Variants in METTL4 observed in about 807,000 individuals in gnomAD.
METTL4 encodes the protein N(6)-adenine-specific methyltransferase METTL4.
Under a neutral mutation model 54.0 loss-of-function variants are expected in METTL4, and 40 were observed. The ratio of observed to expected loss-of-function variants is 0.74; its 90% confidence interval spans 0.58 to 0.96. The LOEUF (loss-of-function observed/expected upper bound fraction) is 0.96. METTL4 is among the 50% of genes least tolerant of loss of function. METTL4 has a pLI of 0.00. For missense variants in METTL4, 525 were observed against 549.0 expected (o/e 0.96, Z 0.44); for synonymous variants, 169 against 183.8 (o/e 0.92, Z 0.65).
intron 3 of METTL4, among the ~76,000 whole-genome samples, chr18:2,562,730 G>A (rs1214909787): frequency 6.6e-6 from 1 of 151,990 alleles, no homozygotes; most frequent in Non-Finnish European, 1.5e-5. Context: ...CAAATTCACA[G>A]AGACAGTGAG....
rs1443514755 is a variant in METTL4 at position 2,571,432 on chromosome 18, A to T, written c.-722T>A. The T allele has an allele frequency of 6.6e-6, 1 of 152,256 alleles. No individual in the cohort carries two copies. Among genetic ancestry groups the T allele is most frequent in the Admixed American group, 6.5e-5 (1 of 15,286 alleles). The allele number at this position is 152,256 out of a possible 1,614,324, so 9.4% of individuals were successfully genotyped here. A position where few individuals can be genotyped will look rare whatever the true frequency, so the allele number is the denominator to read the frequency against. ...CGTAGAGACGGCCACACTGGCCCAC[A>T]GACCCCAGTTCCTGGGGTGACGCAG... On this transcript the variant is annotated 5_prime_UTR_variant, in exon 1 of 9. Transcript: ENST00000574538.
chr18:2,554,090 A>C (rs1325123630), intron 4 of METTL4: 1 of 152,298 alleles, frequency 6.6e-6, no homozygotes, highest in Non-Finnish European at 1.5e-5. Flanking sequence ...AGCAGGTATT[A>C]TCATGTCCAT....
At chr18:2,549,819 TAAAAAAAAA>T (rs397758263) in intron 5 of METTL4, among the ~76,000 whole-genome samples, 3 of 79,064 alleles carry the variant, frequency 3.8e-5, no homozygotes, top group Non-Finnish European at 4.9e-5. Flanking sequence ...CCATCTCTAC[TAAAAAAAAA>T]AAAAAAAAAA....
intron 3 of METTL4, among the ~76,000 whole-genome samples, chr18:2,557,047 C>T (rs912278366): frequency 6.6e-6 from 1 of 152,104 alleles, no homozygotes; most frequent in South Asian, 2.1e-4. Flanking sequence ...AAATCGATAG[C>T]CCCAGCAAAT....
chr18:2,552,940 T>C, intron 4 of METTL4, 176 bp from the exon 5 acceptor site: 4 of 556,304 alleles, frequency 7.2e-6, no homozygotes, highest in Non-Finnish European at 9.6e-6. Context: ...AAATATTAGA[T>C]GTTTCCTTTA....
chr18:2,558,246 G>C (rs1036350434), intron 3 of METTL4, among the ~76,000 whole-genome samples: 1 of 151,938 alleles, frequency 6.6e-6, no homozygotes, highest in Non-Finnish European at 1.5e-5. Flanking sequence ...AAATGTAAAA[G>C]GACTGAAATC....
chr18:2,554,891 C>G lies in METTL4; in HGVS notation c.607G>C (p.Glu203Gln), dbSNP rs775179033. 3 of 1,614,046 alleles carry G rather than the reference C, an allele frequency of 1.9e-6. No individual in the cohort carries two copies. Among genetic ancestry groups the G allele is most frequent in the East Asian group, 4.5e-5 (2 of 44,868 alleles). Residue 203 changes from glutamate to glutamine, a missense_variant, in exon 4 of 9, where the codon GAA becomes CAA. Physicochemically the swap from Glu to Gln is conservative, Grantham distance 29. Coordinates refer to ENST00000574538, the MANE Select transcript of METTL4 (RefSeq NM_022840.5). ...AGAGAAGGCAAATGCTTTGCCATTTCACATAATTCTGACAAACTGCAGGCG... is the reference window on the plus strand; with the variant it reads ...AGAGAAGGCAAATGCTTTGCCATTTGACATAATTCTGACAAACTGCAGGCG... ...LDACSLSELCEMAKHLPSLNE... is the reference protein window; with the variant it reads ...LDACSLSELCQMAKHLPSLNE...
intron 8 of METTL4, 48 bp from the exon 9 acceptor site, chr18:2,539,193 T>C: frequency 1.9e-5 from 26 of 1,353,110 alleles, no homozygotes; most frequent in East Asian, 4.6e-5. Flanking sequence ...GAGGAAGGAA[T>C]CCACTTCCTT....
rs989767093 is a variant in METTL4, at chr18:2,538,392, T to C, written c.*608A>G. 1.3e-5 allele frequency: 2 copies of C among 153,404 alleles called. No individual in the cohort carries two copies. The highest frequency in any genetic ancestry group is 4.8e-5 in the African/African-American group (2 of 41,514). The allele number at this position is 153,404 out of a possible 1,614,324, so 9.5% of individuals were successfully genotyped here. On this transcript the variant is annotated 3_prime_UTR_variant, in exon 9 of 9. Coordinates refer to ENST00000574538, the MANE Select transcript of METTL4 (RefSeq NM_022840.5). ...ATATTTTCTCCAGAACATAACAGTA[T>C]ACCAGAGGTTGCAAATTCAGGTCAT... is the stretch of plus-strand genomic sequence containing the variant.
chr18:2,547,269 G>C (rs1171300306), intron 6 of METTL4, 86 bp downstream of exon 6: 1 of 1,077,860 alleles, frequency 9.3e-7, no homozygotes, highest in Non-Finnish European at 1.3e-6. Context: ...GTACAGCAGT[G>C]ACATGTTGAG....
intron 5 of METTL4, among the ~76,000 whole-genome samples, chr18:2,548,638 A>G (rs2072107744): frequency 1.3e-5 from 2 of 152,186 alleles, no homozygotes; most frequent in South Asian, 4.1e-4. Context: ...CATAACCTGG[A>G]CCCTGTCATC....
chr18:2,538,885 G>C lies in METTL4; in HGVS notation c.*115C>G. 8.5e-7 allele frequency: 1 copy of C among 1,179,696 alleles called. No homozygotes were observed. The allele number at this position is 1,179,696 out of a possible 1,614,324, so 73.1% of individuals were successfully genotyped here. On this transcript the variant is annotated 3_prime_UTR_variant, in exon 9 of 9. Transcript: ENST00000574538. Reference sequence around the variant, plus strand: ...TCTGGTCCCTTACTGAAAAAAACAAGTCCTGTTTATATTCTAAGAATATGG... The same window carrying C: ...TCTGGTCCCTTACTGAAAAAAACAACTCCTGTTTATATTCTAAGAATATGG...
chr18:2,554,755 A>C lies in METTL4; in HGVS notation c.743T>G (p.Ile248Ser). ...VENNSSFTKVITLMGQKYLLP... is the reference protein window; with the variant it reads ...VENNSSFTKVSTLMGQKYLLP... ...CAGGTATTTCTGTCCCATTAAAGTAATCACTTTTGTAAAGCTAGAGTTGTT... is the reference window on the plus strand; with the variant it reads ...CAGGTATTTCTGTCCCATTAAAGTACTCACTTTTGTAAAGCTAGAGTTGTT... Residue 248 changes from isoleucine to serine, a missense_variant, in exon 4 of 9, where the codon ATT becomes AGT. Coordinates refer to ENST00000574538, the MANE Select transcript of METTL4 (RefSeq NM_022840.5). The C allele has an allele frequency of 6.2e-7, 1 of 1,613,592 alleles. No individual in the cohort carries two copies. Among genetic ancestry groups the C allele is most frequent in the Admixed American group, 1.7e-5 (1 of 59,866 alleles).
chr18:2,558,627 TA>T (rs527853299), intron 3 of METTL4, among the ~76,000 whole-genome samples: 3 of 144,708 alleles, frequency 2.1e-5, no homozygotes, highest in East Asian at 2.0e-4. Flanking sequence ...AAAGAAATAA[TA>T]AAAAAAAACA....
chr18:2,557,759 T>C (rs769078805), intron 3 of METTL4, among the ~76,000 whole-genome samples: 2 of 152,208 alleles, frequency 1.3e-5, no homozygotes, highest in African/African-American at 2.4e-5. Context: ...CCTGTGAGCA[T>C]AAAGCACATG....
rs369367243 is a variant in METTL4 at position 2,567,021 on chromosome 18, C to T, written c.196G>A (p.Asp66Asn). 2 of 1,614,096 alleles carry T rather than the reference C, an allele frequency of 1.2e-6. No individual in the cohort carries two copies. The highest frequency in any genetic ancestry group is 1.7e-6 in the Non-Finnish European group (2 of 1,180,010). ...TCATTCTCTGGCTTAGTGGAAGAGT[C>T]AGAAGCAATAAATGCAGCACAGACT... ...SGVCAAFIAS[D>N]SSTKPENDDG... Residue 66 changes from aspartate to asparagine, a missense_variant, in exon 2 of 9, where the codon GAC becomes AAC. Asp to Asn is a conservative substitution (Grantham distance 23). Transcript: ENST00000574538.
intron 6 of METTL4, among the ~76,000 whole-genome samples, chr18:2,545,862 T>G (rs1164367840): frequency 6.6e-6 from 1 of 152,130 alleles, no homozygotes; most frequent in Non-Finnish European, 1.5e-5. Context: ...TCATATAACA[T>G]AATAGATGAT....
chr18:2,549,310 C>T (rs1246123454), intron 5 of METTL4, among the ~76,000 whole-genome samples: 2 of 152,100 alleles, frequency 1.3e-5, no homozygotes, highest in African/African-American at 4.8e-5. Context: ...TCTAGTAGTT[C>T]TTTACCATCA....
intron 5 of METTL4, 135 bp downstream of exon 5, chr18:2,552,560 G>A (rs2072178206): frequency 1.3e-5 from 8 of 625,198 alleles, no homozygotes; most frequent in Non-Finnish European, 1.9e-5. Context: ...AGGAAATTAA[G>A]CTGTTAAAAC....
Sources: allele counts gnomAD v4.1 joint callset (sites outside exome capture counted in the v4.1 genomes callset), GRCh38; gene constraint gnomAD v4.1.1; transcripts MANE v1.5; gene names NCBI Gene and HGNC (gene_info 2026-07-23, HGNC 2026-07-21).